THSD1: variants seen among roughly 807,000 people sequenced by gnomAD.
THSD1 encodes thrombospondin type-1 domain-containing protein 1.
THSD1 carries 34 observed loss-of-function variants against 46.3 expected under a neutral mutation model. The ratio of observed to expected loss-of-function variants is 0.74; its 90% CI spans 0.56 to 0.98. The LOEUF (loss-of-function observed/expected upper bound fraction) is 0.98, where lower values mean the gene tolerates loss of function less well. Among genes scored for constraint, THSD1 ranks in the 50% least tolerant of loss-of-function variants. The pLI is 0.00. For synonymous variants in THSD1, 407 were observed against 416.5 expected (o/e 0.98, Z 0.28); for missense variants, 1,023 against 1,058.3 (o/e 0.97, Z 0.46).
At position 52,397,825 on chromosome 13, in the gene THSD1, C is replaced by T. The variant is rs1957823670; in HGVS notation, c.428G>A (p.Gly143Asp). The T allele has an allele frequency of 3.7e-6, 6 of 1,614,128 alleles. No individual in the cohort carries two copies. The South Asian group carries it at 4.4e-5, about 12-fold the overall frequency. The part of the protein sequence containing the change: ...DLNRSAKAAE[G>D]TFQVGLFTSQ... The stretch of plus-strand genomic sequence containing the variant: ...GGTAAATAGGCCCACTTGGAAGGTG[C>T]CTTCTGCTGCCTTGGCACTCCTATT... Residue 143 changes from glycine to aspartate, a missense_variant, in exon 3 of 5, where the codon GGC becomes GAC. Gly to Asp is a moderately conservative substitution (Grantham distance 94). Coordinates refer to ENST00000258613, the MANE Select transcript of THSD1 (RefSeq NM_018676.4).
Position 52,377,675 on chromosome 13 carries a change from G to A in THSD1, c.2295C>T (p.Pro765=). 6.2e-7 allele frequency: 1 copy of A among 1,609,996 alleles called. No homozygotes were observed. Among genetic ancestry groups the A allele is most frequent in the Non-Finnish European group, 8.5e-7 (1 of 1,176,862 alleles). Residue 765 remains proline, a synonymous_variant, in exon 5 of 5, where the codon CCC becomes CCT. Coordinates refer to ENST00000258613, the MANE Select transcript of THSD1 (RefSeq NM_018676.4). ...EPHRARRGPS[P]SHKSVSRKQS... The stretch of plus-strand genomic sequence containing the variant: ...GCTTCCTTGAGACACTCTTGTGACT[G>A]GGGGACGGTCCCCGACGAGCTCTGT...
At chr13:52,385,446 C>T (rs113483742) in intron 4 of THSD1, among the ~76,000 whole-genome samples, 7,570 of 152,222 alleles carry the variant, frequency 0.05, 213 homozygotes, top group South Asian at 0.07. Flanking sequence ...TGACCAGCTA[C>T]GAGTATGTGC....
intron 2 of THSD1, 71 bp downstream of exon 2, chr13:52,402,472 T>A: frequency 6.8e-7 from 1 of 1,462,272 alleles, no homozygotes; most frequent in South Asian, 1.2e-5. Context: ...GTCATCAACA[T>A]CAATGCATTT....
At chr13:52,388,534 A>C (rs1381644831) in intron 3 of THSD1, among the ~76,000 whole-genome samples, 1 of 152,204 alleles carries the variant, frequency 6.6e-6, no homozygotes, top group Non-Finnish European at 1.5e-5. Flanking sequence ...GATGGAGTGC[A>C]ATGGTGCGAT....
intron 1 of THSD1, among the ~76,000 whole-genome samples, chr13:52,403,567 C>A (rs984814843): frequency 6.6e-6 from 1 of 152,180 alleles, no homozygotes; most frequent in African/African-American, 2.4e-5. Context: ...CTGCAAGCTC[C>A]GCTTCCCGGG....
intron 3 of THSD1, among the ~76,000 whole-genome samples, chr13:52,390,140 C>CAA (rs71769281): frequency 0.059 from 8,143 of 138,226 alleles, 286 homozygotes; most frequent in African/African-American, 0.089. Context: ...GACATTGTCT[C>CAA]AAAAAAAAAA....
chr13:52,391,535 T>TAA (rs1323883840), intron 3 of THSD1, among the ~76,000 whole-genome samples: 1 of 138,466 alleles, frequency 7.2e-6, no homozygotes, highest in Non-Finnish European at 1.6e-5. Context: ...TATATATATA[T>TAA]AATTTTACAT....
intron 3 of THSD1, among the ~76,000 whole-genome samples, chr13:52,389,421 T>G (rs1233042118): frequency 3.3e-5 from 5 of 152,012 alleles, no homozygotes; most frequent in Admixed American, 3.3e-4. Context: ...AACCATATAA[T>G]GATAAAACTA....
chr13:52,397,194 G>A, intron 3 of THSD1, 38 bp downstream of exon 3: 2 of 1,476,962 alleles, frequency 1.4e-6, no homozygotes, highest in South Asian at 1.4e-5. Flanking sequence ...TTACATGAAG[G>A]ATTTGATTTA....
At position 52,377,914 on chromosome 13, in the gene THSD1, G is replaced by C. The variant is rs777958259; in HGVS notation, c.2056C>G (p.Arg686Gly). The change falls in exon 5 of 5, where the codon CGG becomes GGG. Residue 686 changes from arginine (R) to glycine (G), a missense_variant. This residue lies in a region of THSD1 where 578 missense variants were observed against 497.4 expected (regional missense o/e 1.16). Transcript: ENST00000258613. ...CTGTCCTCTGCCTGCTCGCAGGTCC[G>C]CGTCCTAGAGCTGTAGGCAGGGGCC... ...RQAPAYSSRT[R>G]TCEQAEDRFR... The C allele has an allele frequency of 6.2e-7, 1 of 1,614,176 alleles. No homozygotes were observed. The highest frequency in any genetic ancestry group is 2.2e-5 in the East Asian group (1 of 44,874).
chr13:52,402,527 T>A lies in THSD1; in HGVS notation c.58+16A>T. 1 of 1,610,856 alleles carries A rather than the reference T, an allele frequency of 6.2e-7. No individual in the cohort carries two copies. Among genetic ancestry groups the A allele is most frequent in the Non-Finnish European group, 8.5e-7 (1 of 1,177,274 alleles). On this transcript the variant is annotated intron_variant, in intron 2 of 4. Transcript: ENST00000258613. ...TTATTGCTACCAGTAGCGTTAAGTATACTCACAATACTCACCATAGTCACA... is the reference window on the plus strand; with the variant it reads ...TTATTGCTACCAGTAGCGTTAAGTAAACTCACAATACTCACCATAGTCACA...
intron 3 of THSD1, among the ~76,000 whole-genome samples, chr13:52,392,957 C>T (rs1041065266): frequency 4.0e-5 from 6 of 150,832 alleles, no homozygotes; most frequent in Non-Finnish European, 5.9e-5. Context: ...ATGGGTGGCA[C>T]AAAATGAAAC....
chr13:52,401,773 T>C (rs970505002), intron 2 of THSD1, among the ~76,000 whole-genome samples: 6 of 152,230 alleles, frequency 3.9e-5, no homozygotes, highest in African/African-American at 1.2e-4. Context: ...CACAAGCCAG[T>C]GTCCTCTATA....
intron 3 of THSD1, 151 bp from the exon 4 acceptor site, chr13:52,386,337 G>A: frequency 1.3e-6 from 1 of 759,620 alleles, no homozygotes; most frequent in Non-Finnish European, 2.0e-6. Context: ...GAAAAGAGTT[G>A]CTCCTAACTT....
intron 3 of THSD1, among the ~76,000 whole-genome samples, chr13:52,388,339 C>T (rs1370228611): frequency 6.6e-6 from 1 of 151,908 alleles, no homozygotes; most frequent in African/African-American, 2.4e-5. Flanking sequence ...AAAATGTTAC[C>T]AGACAAAAAT....
In THSD1 at chr13:52,402,580, GTCTT is replaced by G; in HGVS notation, c.17_20del (p.Lys6ThrfsTer23). On this transcript the variant is annotated frameshift_variant, in exon 2 of 5. Transcript: ENST00000258613. LOFTEE classifies it high-confidence loss of function. ...GTACCACCAACAATAGATTTGAAAA[GTCTT>G]TCAACATTGGTTTCATTCTGATTGA... is the stretch of plus-strand genomic sequence containing the variant. 2 of 1,613,876 alleles carry G rather than the reference GTCTT, an allele frequency of 1.2e-6. No homozygotes were observed. Among genetic ancestry groups the G allele is most frequent in the Non-Finnish European group, 1.7e-6 (2 of 1,179,864 alleles).
Position 52,378,286 on chromosome 13 carries a change from TG to T in THSD1, c.1683del (p.Asp561GlufsTer12), listed in dbSNP as rs1376540544. On this transcript the variant is annotated frameshift_variant, in exon 5 of 5. Coordinates refer to ENST00000258613, the MANE Select transcript of THSD1 (RefSeq NM_018676.4). LOFTEE classifies it low-confidence loss of function (END_TRUNC). ...GCGCTGGGGGCCGCATCAATGGCAG[TG>T]TCTGTCAGGGGACTCTGAGACACGT... ...VYHVSQSPLT[D>X]TAIDAAPSAP... 2 of 1,614,220 alleles carry T rather than the reference TG, an allele frequency of 1.2e-6. No individual in the cohort carries two copies. The highest frequency in any genetic ancestry group is 3.3e-5 in the Admixed American group (2 of 60,024).
intron 2 of THSD1, among the ~76,000 whole-genome samples, chr13:52,401,146 TG>T (rs1253838277): frequency 6.6e-6 from 1 of 152,080 alleles, no homozygotes; most frequent in African/African-American, 2.4e-5. Context: ...AGCTAATTTT[TG>T]TATTTTTAGT....
intron 3 of THSD1, among the ~76,000 whole-genome samples, chr13:52,391,485 T>C (rs1026122662): frequency 2.6e-5 from 4 of 151,826 alleles, no homozygotes; most frequent in Admixed American, 6.6e-5. Flanking sequence ...CCCAGAGTGC[T>C]GAGATTTACA....
Sources: allele counts gnomAD v4.1 joint callset (sites outside exome capture counted in the v4.1 genomes callset), GRCh38; gene constraint gnomAD v4.1.1; regional missense constraint gnomAD v4.1.1; transcripts MANE v1.5; gene names NCBI Gene and HGNC (gene_info 2026-07-23, HGNC 2026-07-21).